DOCK8: variants seen among roughly 807,000 people sequenced by gnomAD.
The protein encoded by DOCK8 is dedicator of cytokinesis protein 8.
DOCK8 carries 141 observed loss-of-function variants against 245.6 expected under a neutral mutation model. The observed-to-expected ratio is 0.57, with a 90% CI of 0.50 to 0.66. DOCK8 has a LOEUF of 0.66. Ranked by LOEUF, DOCK8 falls within the 30% of genes least tolerant of loss-of-function variation. The probability of loss-of-function intolerance (pLI) is 0.00; values close to 1 mark genes in which losing one functional copy is unlikely to be tolerated. For missense variants in DOCK8, 2,965 were observed against 2,603.4 expected, an observed-to-expected ratio of 1.14 and a Z score of -3.02; for synonymous variants, 1,168 against 970.2, an observed-to-expected ratio of 1.20 and a Z score of -3.79.
intron 1 of DOCK8, among the ~76,000 whole-genome samples, chr9:220,145 C>T (rs1434756339): frequency 6.6e-6 from 1 of 152,126 alleles, no homozygotes; most frequent in African/African-American, 2.4e-5. Context: ...TGTTCTAGAC[C>T]AAAGACCAAC....
chr9:304,511 A>AT (rs2049717614), intron 4 of DOCK8, 70 bp from the exon 5 acceptor site: 1 of 1,601,448 alleles, frequency 6.2e-7, no homozygotes, highest in African/African-American at 1.3e-5. Context: ...CATTACTTTT[A>AT]TTTTTAATCT....
At chr9:229,574 C>T (rs2047062978) in intron 1 of DOCK8, among the ~76,000 whole-genome samples, 2 of 152,090 alleles carry the variant, frequency 1.3e-5, no homozygotes, top group Non-Finnish European at 2.9e-5. Flanking sequence ...TCCCCAAAGG[C>T]AGGATTTGAG....
chr9:309,499 T>A (rs2050002740), intron 5 of DOCK8, among the ~76,000 whole-genome samples: 1 of 152,190 alleles, frequency 6.6e-6, no homozygotes. Flanking sequence ...TCCTACAACA[T>A]ATAGTTGATT....
At chr9:258,511 G>C (rs1235817336) in intron 1 of DOCK8, among the ~76,000 whole-genome samples, 1 of 151,296 alleles carries the variant, frequency 6.6e-6, no homozygotes, top group African/African-American at 2.4e-5. Flanking sequence ...AGAGCTCAAA[G>C]TATGCTGAGA....
intron 22 of DOCK8, among the ~76,000 whole-genome samples, chr9:385,990 TA>T (rs1428357231): frequency 6.6e-6 from 1 of 152,182 alleles, no homozygotes; most frequent in African/African-American, 2.4e-5. Flanking sequence ...AGTACCGTAC[TA>T]AACCACAGAG....
intron 16 of DOCK8, among the ~76,000 whole-genome samples, 195 bp downstream of exon 16, chr9:370,495 G>T (rs559185434): frequency 6.6e-6 from 1 of 152,306 alleles, no homozygotes; most frequent in Non-Finnish European, 1.5e-5. Context: ...AGAGAAGAAC[G>T]TGTCTTCAAG....
intron 1 of DOCK8, among the ~76,000 whole-genome samples, chr9:220,306 A>G (rs2046852622): frequency 1.3e-5 from 2 of 152,210 alleles, no homozygotes; most frequent in South Asian, 4.1e-4. Flanking sequence ...ATAACCTTCT[A>G]CCAGGGTGAA....
At chr9:228,842 C>T (rs1278106486) in intron 1 of DOCK8, among the ~76,000 whole-genome samples, 1 of 152,152 alleles carries the variant, frequency 6.6e-6, no homozygotes, top group Non-Finnish European at 1.5e-5. Flanking sequence ...ACATGGCTGC[C>T]ATTATCGGGT....
intron 12 of DOCK8, among the ~76,000 whole-genome samples, chr9:338,353 T>A (rs1001968025): frequency 1.3e-5 from 2 of 152,142 alleles, no homozygotes; most frequent in Non-Finnish European, 2.9e-5. Flanking sequence ...CCGTGCCACA[T>A]CATAGAAATA....
chr9:418,178 A>C lies in DOCK8; in HGVS notation c.3811A>C (p.Lys1271Gln). Residue 1271 changes from lysine to glutamine, a missense_variant, in exon 30 of 48, where the codon AAA (lysine) becomes CAA (glutamine). Transcript: ENST00000432829. ...LAIAGNNFNL[K>Q]TSGIVLSSLP... ...CATAGCAGGGAATAATTTCAATTTG[A>C]AAACAAGTGGAATAGTGCTGTCTTC... 6.2e-7 allele frequency: 1 copy of C among 1,614,232 alleles called. No individual in the cohort carries two copies. Among genetic ancestry groups the C allele is most frequent in the Non-Finnish European group, 8.5e-7 (1 of 1,180,034 alleles).
chr9:325,450 C>T (rs1338178435), intron 7 of DOCK8, among the ~76,000 whole-genome samples: 1 of 152,272 alleles, frequency 6.6e-6, no homozygotes, highest in East Asian at 1.9e-4. Context: ...ATCCACCATG[C>T]TTTTGTAATG....
chr9:360,731 C>T (rs143994147), intron 14 of DOCK8, among the ~76,000 whole-genome samples: 4 of 152,296 alleles, frequency 2.6e-5, no homozygotes, highest in Admixed American at 6.5e-5. Context: ...CTGTGTTTGT[C>T]ATCCTGAGAG....
Position 215,007 on chromosome 9 carries a change from G to C in DOCK8, c.31G>C (p.Ala11Pro), listed in dbSNP as rs745702582. 1 of 1,593,968 alleles carries C rather than the reference G, an allele frequency of 6.3e-7. No individual in the cohort carries two copies. Among genetic ancestry groups the C allele is most frequent in the Non-Finnish European group, 8.5e-7 (1 of 1,175,078 alleles). ...CACTCTGCCGAGCGCAGAGCGCCGCGCGTTCGCGCTCAAGATCAACAGGTA... is the reference window on the plus strand; with the variant it reads ...CACTCTGCCGAGCGCAGAGCGCCGCCCGTTCGCGCTCAAGATCAACAGGTA... MATLPSAERR[A>P]FALKINRYSS... The change falls in exon 1 of 48, where the codon GCG becomes CCG. Residue 11 changes from alanine to proline, a missense_variant. This residue lies in a region of DOCK8 where 2,825 missense variants were observed against 2,453.5 expected (regional missense o/e 1.15). Transcript: ENST00000432829.
chr9:406,253 G>A (rs772174286), intron 27 of DOCK8, among the ~76,000 whole-genome samples: 3 of 152,022 alleles, frequency 2.0e-5, no homozygotes, highest in Non-Finnish European at 4.4e-5. Context: ...CAGCATCTTC[G>A]GAGGCCAAAG....
In DOCK8 at chr9:271,229, G is replaced by A. The variant is rs118182378; in HGVS notation, c.54-398G>A. ...AAAAGGGTTCAGCTGCTTGAAATGA[G>A]AATGGCTGGATCAAAATGGCAGCTC... On this transcript the variant is annotated intron_variant, in intron 1 of 47. Transcript: ENST00000432829. 3.8e-3 allele frequency among the ~76,000 whole-genome samples: 574 copies of A among 152,338 alleles called. 4 individuals are homozygous for A. The highest frequency in any genetic ancestry group is 6.9e-3 in the Non-Finnish European group (471 of 68,036).
intron 23 of DOCK8, among the ~76,000 whole-genome samples, chr9:387,421 C>T (rs1380576321): frequency 2.8e-5 from 4 of 142,580 alleles, no homozygotes; most frequent in African/African-American, 5.3e-5. Context: ...CCAGCCTGGG[C>T]GACAGAATGA....
chr9:345,465 T>C (rs544775228), intron 14 of DOCK8, among the ~76,000 whole-genome samples: 15 of 152,310 alleles, frequency 9.8e-5, no homozygotes, highest in African/African-American at 3.4e-4. Context: ...AGGGAACTAT[T>C]ACCTGGTTCT....
rs1347481558 is a variant in DOCK8, at chr9:325,751, G to T, written c.894+14G>T. Reference sequence around the variant, plus strand: ...GAAAGGAAAAAGGTAAGAAAGCAAAGAAAAATCCATCCCTAAGGCACATAT... The same window carrying T: ...GAAAGGAAAAAGGTAAGAAAGCAAATAAAAATCCATCCCTAAGGCACATAT... On this transcript the variant is annotated intron_variant, in intron 8 of 47. Transcript: ENST00000432829. 2 of 1,609,372 alleles carry T rather than the reference G, an allele frequency of 1.2e-6. No individual in the cohort carries two copies. Among genetic ancestry groups the T allele is most frequent in the Non-Finnish European group, 1.7e-6 (2 of 1,175,888 alleles).
chr9:223,332 AT>A (rs1234049873), intron 1 of DOCK8, among the ~76,000 whole-genome samples: 8 of 151,872 alleles, frequency 5.3e-5, no homozygotes, highest in Admixed American at 5.2e-4. Context: ...CATGCCAGCC[AT>A]TGAGGATTAT....
Sources: gnomAD v4.1 joint callset for allele counts (sites outside exome capture counted in the v4.1 genomes callset) on GRCh38, gnomAD v4.1.1 for gene constraint, gnomAD v4.1.1 regional missense constraint, MANE v1.5 for transcripts, NCBI Gene and HGNC (gene_info 2026-07-23, HGNC 2026-07-21) for gene names.